Variants in TBC1D5 observed in about 807,000 individuals in gnomAD.
The protein encoded by TBC1D5 is TBC1 domain family member 5.
In TBC1D5, 75 loss-of-function variants were observed where a neutral mutation model predicts 100.3. That is an observed-to-expected ratio of 0.75 (90% CI 0.62 to 0.91). The LOEUF is 0.91. Ranked by LOEUF, TBC1D5 falls within the 40% of genes least tolerant of loss-of-function variation. The pLI is 0.00. For missense variants in TBC1D5, 910 were observed against 942.4 expected, an observed-to-expected ratio of 0.97 and a Z score of 0.45; for synonymous variants, 323 against 325.6, an observed-to-expected ratio of 0.99 and a Z score of 0.09.
At chr3:17,381,800 T>C (rs1347531756) in intron 9 of TBC1D5, among the ~76,000 whole-genome samples, 1 of 151,526 alleles carries the variant, frequency 6.6e-6, no homozygotes, top group East Asian at 1.9e-4. Context: ...TCTTCTAGTA[T>C]TTTTATATAC....
chr3:17,307,298 A>G (rs1200761897), intron 14 of TBC1D5, among the ~76,000 whole-genome samples: 1 of 152,232 alleles, frequency 6.6e-6, no homozygotes, highest in Non-Finnish European at 1.5e-5. Flanking sequence ...TTGGCTAACA[A>G]GTTCTATTGT....
At chr3:17,337,017 G>A (rs13322641) in intron 13 of TBC1D5, among the ~76,000 whole-genome samples, 59,622 of 151,430 alleles carry the variant, frequency 0.39, 12,430 homozygotes, top group Middle Eastern at 0.5. Context: ...ACTACATGTA[G>A]TTAATCTATG....
chr3:17,490,250 G>T (rs1331846376), intron 3 of TBC1D5, among the ~76,000 whole-genome samples: 1 of 152,018 alleles, frequency 6.6e-6, no homozygotes, highest in Non-Finnish European at 1.5e-5. Flanking sequence ...TTAGACCTTT[G>T]TCAGATGGAG....
At chr3:17,425,690 A>G (rs538039478) in intron 4 of TBC1D5, among the ~76,000 whole-genome samples, 44 of 152,300 alleles carry the variant, frequency 2.9e-4, no homozygotes, top group African/African-American at 1.0e-3. Context: ...ATCTAATATC[A>G]TAATAATACA....
chr3:17,717,168 G>T (rs2075309819), intron 1 of TBC1D5, among the ~76,000 whole-genome samples: 1 of 151,730 alleles, frequency 6.6e-6, no homozygotes, highest in South Asian at 2.1e-4. Context: ...TGACTCTAGG[G>T]TGTAATTCTA....
chr3:17,487,122 T>C (rs1167498168), intron 3 of TBC1D5, among the ~76,000 whole-genome samples: 2 of 152,174 alleles, frequency 1.3e-5, no homozygotes, highest in East Asian at 3.8e-4. Flanking sequence ...TTGGAACACA[T>C]CTACACCAAT....
At chr3:17,459,200 T>A (rs1000769583) in intron 3 of TBC1D5, among the ~76,000 whole-genome samples, 1 of 152,136 alleles carries the variant, frequency 6.6e-6, no homozygotes, top group Non-Finnish European at 1.5e-5. Flanking sequence ...AGAGCAGCGG[T>A]CCTCAATCTT....
intron 2 of TBC1D5, among the ~76,000 whole-genome samples, chr3:17,566,215 T>TGCTGTG (rs1396328674): frequency 1.3e-5 from 2 of 152,040 alleles, no homozygotes; most frequent in African/African-American, 4.8e-5. Flanking sequence ...ATTACACATC[T>TGCTGTG]AACAGTCTGC....
At chr3:17,546,449 T>C (rs1441078947) in intron 2 of TBC1D5, among the ~76,000 whole-genome samples, 1 of 152,144 alleles carries the variant, frequency 6.6e-6, no homozygotes, top group Non-Finnish European at 1.5e-5. Context: ...TATATAGTTA[T>C]CCATTTGTTT....
chr3:17,462,859 C>T (rs1214947049), intron 3 of TBC1D5, among the ~76,000 whole-genome samples: 1 of 152,108 alleles, frequency 6.6e-6, no homozygotes, highest in Non-Finnish European at 1.5e-5. Flanking sequence ...TGTGCCATGA[C>T]CTATCTTCTT....
intron 19 of TBC1D5, among the ~76,000 whole-genome samples, chr3:17,173,778 T>C (rs543191777): frequency 6.6e-6 from 1 of 152,284 alleles, no homozygotes; most frequent in Admixed American, 6.5e-5. Context: ...TAGTAGACTC[T>C]AAAGAGGAAC....
At chr3:17,191,780 C>CTT (rs529108579) in intron 18 of TBC1D5, among the ~76,000 whole-genome samples, 26 of 145,718 alleles carry the variant, frequency 1.8e-4, no homozygotes, top group African/African-American at 5.8e-4. Flanking sequence ...CCACACCCGG[C>CTT]TTTTTTTTTT....
At chr3:17,286,828 C>G (rs934525175) in intron 15 of TBC1D5, among the ~76,000 whole-genome samples, 7 of 152,198 alleles carry the variant, frequency 4.6e-5, no homozygotes, top group African/African-American at 1.7e-4. Flanking sequence ...AATTGCTGGT[C>G]TGCCACTAAA....
chr3:17,426,053 G>A (rs1052767805), intron 4 of TBC1D5, among the ~76,000 whole-genome samples: 1 of 152,018 alleles, frequency 6.6e-6, no homozygotes, highest in Non-Finnish European at 1.5e-5. Context: ...GGCCTGCGTT[G>A]TCGAATTGTG....
intron 13 of TBC1D5, among the ~76,000 whole-genome samples, chr3:17,343,836 T>C (rs13059067): frequency 3.9e-5 from 6 of 152,096 alleles, no homozygotes; most frequent in African/African-American, 1.4e-4. Context: ...TTTTTTATTG[T>C]GTCTATTTGA....
At chr3:17,233,369 A>G (rs1340718762) in intron 17 of TBC1D5, among the ~76,000 whole-genome samples, 1 of 152,188 alleles carries the variant, frequency 6.6e-6, no homozygotes, top group East Asian at 1.9e-4. Flanking sequence ...CAAAAAGAAC[A>G]CCTCAGTGTG....
intron 1 of TBC1D5, among the ~76,000 whole-genome samples, chr3:17,632,768 T>A (rs1390646502): frequency 6.6e-6 from 1 of 152,206 alleles, no homozygotes; most frequent in Non-Finnish European, 1.5e-5. Flanking sequence ...AATTAAGGTA[T>A]GTACGTTGTT....
At chr3:17,722,512 C>T (rs559304573) in intron 1 of TBC1D5, among the ~76,000 whole-genome samples, 1 of 152,286 alleles carries the variant, frequency 6.6e-6, no homozygotes, top group Admixed American at 6.5e-5. Flanking sequence ...GTCACATCTG[C>T]ACTCAAAAAG....
At chr3:17,450,631 A>G (rs1184124719) in intron 3 of TBC1D5, among the ~76,000 whole-genome samples, 3 of 152,200 alleles carry the variant, frequency 2.0e-5, no homozygotes, top group Non-Finnish European at 4.4e-5. Context: ...AAGAAAGGAT[A>G]TCAGAGATTG....
Sources: allele counts gnomAD v4.1 joint callset (sites outside exome capture counted in the v4.1 genomes callset), GRCh38; gene constraint gnomAD v4.1.1; transcripts MANE v1.5; gene names NCBI Gene and HGNC (gene_info 2026-07-23, HGNC 2026-07-21).